CHD2: variants seen among roughly 807,000 people sequenced by gnomAD.
The protein encoded by CHD2 is ATP-dependent chromatin remodeler CHD2.
A neutral mutation model predicts 243.9 loss-of-function variants in CHD2; 28 were observed. The ratio of observed to expected loss-of-function variants is 0.11; its 90% CI spans 0.09 to 0.16. CHD2 has a LOEUF of 0.16. Among genes scored for constraint, CHD2 ranks in the 10% least tolerant of loss-of-function variants. The pLI, the probability that CHD2 is intolerant of heterozygous loss-of-function variation, is 1.00. For synonymous variants in CHD2, 775 were observed against 779.0 expected, an observed-to-expected ratio of 0.99 and a Z score of 0.09; for missense variants, 1,386 against 2,209.8, an observed-to-expected ratio of 0.63 and a Z score of 7.47.
chr15:92,942,895 T>C lies in CHD2; in HGVS notation c.879T>C (p.Ser293=), dbSNP rs1173083677. 1 of 1,614,012 alleles carries C rather than the reference T, an allele frequency of 6.2e-7. No individual in the cohort carries two copies. Among genetic ancestry groups the C allele is most frequent in the Admixed American group, 1.7e-5 (1 of 60,006 alleles). ...CGATTGAAGCTAATGGCGACCCTAGTGGTGACTTTGACACTGAAAAGGATG... is the reference window on the plus strand; with the variant it reads ...CGATTGAAGCTAATGGCGACCCTAGCGGTGACTTTGACACTGAAAAGGATG... ...VYAIEANGDP[S]GDFDTEKDEG... Residue 293 remains serine (S), a synonymous_variant, in exon 9 of 39, where the codon AGT becomes AGC. Transcript: ENST00000394196.
chr15:92,920,331 T>G (rs182373172), intron 2 of CHD2, among the ~76,000 whole-genome samples: 2 of 152,364 alleles, frequency 1.3e-5, no homozygotes, highest in African/African-American at 2.4e-5. Flanking sequence ...GTATCAGAGA[T>G]ATTTGCAACT....
intron 20 of CHD2, among the ~76,000 whole-genome samples, chr15:92,975,282 T>C (rs763054987): frequency 3.5e-4 from 54 of 152,234 alleles, no homozygotes; most frequent in African/African-American, 1.3e-3. Flanking sequence ...TTCTGATCTC[T>C]GTACTCTTTT....
Position 92,901,208 on chromosome 15 carries a change from C to A in CHD2, c.-30C>A. Reference sequence around the variant, plus strand: ...GGACTTCAAAGCAAACACAGATTCCCCCTCCCCCTTAATATTTAAGAATTA... The same window carrying A: ...GGACTTCAAAGCAAACACAGATTCCACCTCCCCCTTAATATTTAAGAATTA... On this transcript the variant is annotated 5_prime_UTR_variant, in exon 2 of 39. Transcript: ENST00000394196. 1 of 1,387,512 alleles carries A rather than the reference C, an allele frequency of 7.2e-7. No homozygotes were observed. Among genetic ancestry groups the A allele is most frequent in the Non-Finnish European group, 1.0e-6 (1 of 978,662 alleles). 86.0% of individuals were successfully genotyped at this position (1,387,512 alleles called of 1,614,324 possible). A position where few individuals can be genotyped will look rare whatever the true frequency, so the allele number is the denominator to read the frequency against.
chr15:92,931,945 C>T (rs549999793), intron 5 of CHD2, among the ~76,000 whole-genome samples: 197 of 151,846 alleles, frequency 1.3e-3, no homozygotes, highest in Non-Finnish European at 2.0e-3. Context: ...TCACTGCAGC[C>T]TCCGCCTCCG....
At chr15:93,007,426 A>AT (rs977706958) in intron 34 of CHD2, among the ~76,000 whole-genome samples, 2 of 152,020 alleles carry the variant, frequency 1.3e-5, no homozygotes, top group Non-Finnish European at 2.9e-5. Context: ...CTAATCTTTT[A>AT]TTTTTTATAG....
chr15:92,998,369 A>T lies in CHD2; in HGVS notation c.3886-130A>T. The T allele has an allele frequency of 6.9e-7, 1 of 1,447,612 alleles. No individual in the cohort carries two copies. Among genetic ancestry groups the T allele is most frequent in the Non-Finnish European group, 9.3e-7 (1 of 1,073,114 alleles). 89.7% of individuals were successfully genotyped at this position (1,447,612 alleles called of 1,614,324 possible). A position where few individuals can be genotyped will look rare whatever the true frequency, so the allele number is the denominator to read the frequency against. ...AGCCATGGACATGAGATAGGATCTGAGGCTTTATCTATATTTTGGGTGGTT... is the reference window on the plus strand; with the variant it reads ...AGCCATGGACATGAGATAGGATCTGTGGCTTTATCTATATTTTGGGTGGTT... On this transcript the variant is annotated intron_variant, in intron 30 of 38. Transcript: ENST00000394196. This position sits in a 1 kb window ranked among gnomAD's most constrained non-coding sequence, Gnocchi z 5.1.
Position 92,981,498 on chromosome 15 carries a change from C to G in CHD2, c.3066+41C>G, listed in dbSNP as rs765895428. 3.5e-6 allele frequency: 5 copies of G among 1,448,332 alleles called. No homozygotes were observed. In the South Asian group the frequency reaches 3.5e-5, roughly 10 times the overall value. 89.7% of individuals were successfully genotyped at this position (1,448,332 alleles called of 1,614,324 possible). On this transcript the variant is annotated intron_variant, in intron 24 of 38. Coordinates refer to ENST00000394196, the MANE Select transcript of CHD2 (RefSeq NM_001271.4). ...TGGGAGAGAGTTCTCAGCATTGATT[C>G]ATTAATGATGACTAATGTTTATGAA...
intron 27 of CHD2, chr15:92,991,873 T>A (rs545814216): frequency 3.5e-5 from 6 of 171,534 alleles, no homozygotes; most frequent in Non-Finnish European, 7.4e-5. Flanking sequence ...TTAGATTTAA[T>A]AATGTCAAAG....
intron 35 of CHD2, among the ~76,000 whole-genome samples, chr15:93,011,306 A>G (rs966099142): frequency 1.3e-5 from 2 of 152,176 alleles, no homozygotes; most frequent in African/African-American, 4.8e-5. Context: ...GTTGAGAAGG[A>G]AGTGCGTGAA....
chr15:92,976,645 GTC>G (rs200505301), intron 20 of CHD2, among the ~76,000 whole-genome samples: 1,610 of 111,936 alleles, frequency 0.014, 33 homozygotes, highest in African/African-American at 0.044. Flanking sequence ...AGTGAGACCT[GTC>G]TCTACCAAAA....
intron 12 of CHD2, among the ~76,000 whole-genome samples, chr15:92,948,692 G>T (rs565026482): frequency 6.6e-6 from 1 of 152,100 alleles, no homozygotes; most frequent in Non-Finnish European, 1.5e-5. Context: ...ATAGCCAGGC[G>T]TGGGTGGTGG....
At chr15:92,986,269 G>A (rs375973855) in intron 26 of CHD2, among the ~76,000 whole-genome samples, 1 of 151,664 alleles carries the variant, frequency 6.6e-6, no homozygotes, top group East Asian at 1.9e-4. Context: ...ATCTAAAATT[G>A]TTGCTTACAA....
intron 34 of CHD2, among the ~76,000 whole-genome samples, chr15:93,007,960 G>T (rs569985653): frequency 3.3e-5 from 5 of 152,288 alleles, no homozygotes; most frequent in African/African-American, 9.6e-5. Context: ...CTGACCCTCA[G>T]TTGTCAGCTC....
intron 2 of CHD2, chr15:92,901,874 T>C (rs556244171): frequency 3.4e-6 from 1 of 293,788 alleles, no homozygotes; most frequent in African/African-American, 2.1e-5. Context: ...TTATATTTCT[T>C]TTGATACACT....
At chr15:92,982,548 G>A (rs1332711565) in intron 24 of CHD2, among the ~76,000 whole-genome samples, 1 of 152,186 alleles carries the variant, frequency 6.6e-6, no homozygotes, top group African/African-American at 2.4e-5. Context: ...AATAGCAAAG[G>A]TTTTCAAGAT....
chr15:92,941,028 G>A (rs989032585), intron 7 of CHD2, among the ~76,000 whole-genome samples: 1 of 139,784 alleles, frequency 7.2e-6, no homozygotes, highest in Non-Finnish European at 1.5e-5. Context: ...TTGAGACGGA[G>A]TCTTGCTGTG....
chr15:93,014,961 A>T, intron 37 of CHD2, 52 bp downstream of exon 37: 2 of 1,460,516 alleles, frequency 1.4e-6, no homozygotes, highest in East Asian at 4.5e-5. Flanking sequence ...TAAAAAATTC[A>T]CACAGCCGTT....
intron 16 of CHD2, 81 bp from the exon 17 acceptor site, chr15:92,967,244 A>G: frequency 1.0e-6 from 1 of 996,438 alleles, no homozygotes; most frequent in Non-Finnish European, 1.5e-6. Flanking sequence ...CTTATGGGAA[A>G]GATTCATTTT....
At chr15:92,937,646 C>T (rs773395090) in intron 6 of CHD2, 21 bp downstream of exon 6, 8 of 1,565,840 alleles carry the variant, frequency 5.1e-6, no homozygotes, top group Non-Finnish European at 7.0e-6. Context: ...TGCTTAAGAT[C>T]TCTACTTGGG....
Sources: gnomAD v4.1 joint callset for allele counts (sites outside exome capture counted in the v4.1 genomes callset) on GRCh38, gnomAD v4.1.1 for gene constraint, Gnocchi (gnomAD v3.1) non-coding constraint, MANE v1.5 for transcripts, NCBI Gene and HGNC (gene_info 2026-07-23, HGNC 2026-07-21) for gene names.